The following NUP155 variants were observed in gnomAD, a reference collection of about 807,000 sequenced individuals.
NUP155 encodes the protein nucleoporin 155, also known as nuclear pore complex protein Nup155.
In NUP155, 71 loss-of-function variants were observed where a neutral mutation model predicts 180.4. The ratio of observed to expected loss-of-function variants is 0.39; its 90% CI spans 0.33 to 0.48. The LOEUF (loss-of-function observed/expected upper bound fraction) is 0.48, where lower values mean the gene tolerates loss of function less well. Ranked by LOEUF, NUP155 falls within the 20% of genes least tolerant of loss-of-function variation. The pLI, the probability that NUP155 is intolerant of heterozygous loss-of-function variation, is 0.91. For missense variants in NUP155, 1,553 were observed against 1,648.9 expected (o/e 0.94, Z 1.01); for synonymous variants, 582 against 559.5 (o/e 1.04, Z -0.57).
At chr5:37,309,300 T>C (rs749836101) in intron 23 of NUP155, 33 bp from the exon 24 acceptor site, 13 of 1,585,354 alleles carry the variant, frequency 8.2e-6, no homozygotes, top group Admixed American at 3.4e-5. Flanking sequence ...CTTAAAAATA[T>C]ATAAAATCAA....
chr5:37,305,099 T>G lies in NUP155; in HGVS notation c.3015A>C (p.Ser1005=). 2 of 1,613,934 alleles carry G rather than the reference T, an allele frequency of 1.2e-6. No homozygotes were observed. The highest frequency in any genetic ancestry group is 1.7e-6 in the Non-Finnish European group (2 of 1,180,026). Residue 1005 remains serine (S), a synonymous_variant, in exon 26 of 35, where the codon TCA becomes TCC. Transcript: ENST00000231498. ...CATTACTCAGCATATTTGGATCAGATGACAACACTGGAGGACCAGGTTTTT... is the reference window on the plus strand; with the variant it reads ...CATTACTCAGCATATTTGGATCAGAGGACAACACTGGAGGACCAGGTTTTT... ...VPKKPGPPVL[S]SDPNMLSNEE... is the part of the protein sequence containing the mutation.
chr5:37,306,250 A>T (rs1417188434), intron 25 of NUP155, among the ~76,000 whole-genome samples: 1 of 151,824 alleles, frequency 6.6e-6, no homozygotes, highest in Non-Finnish European at 1.5e-5. Flanking sequence ...GAAAAAAAAA[A>T]TTAGCCGAGT....
Position 37,363,927 on chromosome 5 carries a change from G to A in NUP155, c.353C>T (p.Thr118Ile). 1 of 1,613,814 alleles carries A rather than the reference G, an allele frequency of 6.2e-7. No individual in the cohort carries two copies. Among genetic ancestry groups the A allele is most frequent in the Non-Finnish European group, 8.5e-7 (1 of 1,179,750 alleles). The change falls in exon 3 of 35, where the codon ACA (threonine) becomes ATA (isoleucine). Residue 118 changes from threonine to isoleucine, a missense_variant. Transcript: ENST00000231498. ...VFPPISRAWLTIDSDIFMWNY... is the reference protein window; with the variant it reads ...VFPPISRAWLIIDSDIFMWNY... ...CCACATGAATATATCACTGTCAATT[G>A]TGAGCCAAGCTCTGCTGATAGGAGG...
intron 24 of NUP155, among the ~76,000 whole-genome samples, chr5:37,307,955 ATAT>A (rs1743270740): frequency 2.0e-4 from 5 of 24,730 alleles, no homozygotes; most frequent in African/African-American, 2.6e-4. Context: ...AAAAAAAAAT[ATAT>A]ATATATATAT....
intron 3 of NUP155, among the ~76,000 whole-genome samples, chr5:37,359,065 T>C (rs1747034657): frequency 6.6e-6 from 1 of 151,318 alleles, no homozygotes; most frequent in African/African-American, 2.4e-5. Context: ...TCTCAGCACT[T>C]TGGGAGGGTG....
intron 4 of NUP155, 113 bp from the exon 5 acceptor site, chr5:37,352,942 G>T: frequency 1.4e-6 from 1 of 708,272 alleles, no homozygotes; most frequent in Non-Finnish European, 2.5e-6. Flanking sequence ...GAAAAGTCTG[G>T]ATGCAGTTTA....
Position 37,291,727 on chromosome 5 carries a change from C to G in NUP155, c.*173G>C, listed in dbSNP as rs1742241053. ...CCCAATTACTAAAAAACAAAATAGT[C>G]ATAAAAAAGAATTCATTTAGCAAAG... On this transcript the variant is annotated 3_prime_UTR_variant, in exon 35 of 35. Coordinates refer to ENST00000231498, the MANE Select transcript of NUP155 (RefSeq NM_153485.3). 3 of 521,054 alleles carry G rather than the reference C, an allele frequency of 5.8e-6. No homozygotes were observed. Among genetic ancestry groups the G allele is most frequent in the Non-Finnish European group, 1.0e-5 (3 of 297,844 alleles). The allele number at this position is 521,054 out of a possible 1,614,324, so 32.3% of individuals were successfully genotyped here.
chr5:37,364,188 A>AT, intron 2 of NUP155, 59 bp downstream of exon 2: 2 of 1,365,788 alleles, frequency 1.5e-6, no homozygotes, highest in South Asian at 2.4e-5. Context: ...AACAAGAATT[A>AT]TAAGAATGAA....
chr5:37,317,821 G>A (rs553936661), intron 21 of NUP155, among the ~76,000 whole-genome samples, 167 bp downstream of exon 21: 1 of 151,370 alleles, frequency 6.6e-6, no homozygotes. Context: ...CCAAAGTGCT[G>A]GTATTACAGG....
chr5:37,304,844 C>T lies in NUP155; in HGVS notation c.3058-1G>A, dbSNP rs1259878926. 1.2e-6 allele frequency: 2 copies of T among 1,612,426 alleles called. No individual in the cohort carries two copies. The highest frequency in any genetic ancestry group is 1.7e-6 in the Non-Finnish European group (2 of 1,178,600). ...GTGACAATTTAAGCATTTGTTCAAA[C>T]TAAAATAAAGAAAATAGTAAAAATT... On this transcript the variant is annotated splice_acceptor_variant, in intron 26 of 34. Transcript: ENST00000231498. LOFTEE classifies it high-confidence loss of function.
At chr5:37,331,095 G>C (rs901544930) in intron 14 of NUP155, among the ~76,000 whole-genome samples, 2 of 151,508 alleles carry the variant, frequency 1.3e-5, no homozygotes, top group South Asian at 4.2e-4. Flanking sequence ...CTTAGAGTGA[G>C]CCGAGATCAC....
In NUP155 at chr5:37,323,072, G is replaced by T. The variant is rs1434577860; in HGVS notation, c.2207+920C>A. ...CTGAGGCCAGTGGATGATGAGGTCA[G>T]GAGTTCAAGACCAGCCTGGTCAACA... On this transcript the variant is annotated intron_variant, in intron 20 of 34. Transcript: ENST00000231498. Among the ~76,000 whole-genome samples, 2 of 152,108 alleles carry T rather than the reference G, an allele frequency of 1.3e-5. 1 individual carries two copies. Among genetic ancestry groups the T allele is most frequent in the Middle Eastern group, 6.8e-3 (2 of 294 alleles).
intron 1 of NUP155, 22 bp from the exon 2 acceptor site, chr5:37,364,406 T>C: frequency 6.2e-7 from 1 of 1,607,164 alleles, no homozygotes; most frequent in South Asian, 1.1e-5. Context: ...AAATGAAGTA[T>C]TTATAATAAT....
chr5:37,343,867 G>T (rs1745904120), intron 9 of NUP155, among the ~76,000 whole-genome samples: 1 of 151,936 alleles, frequency 6.6e-6, no homozygotes, highest in Admixed American at 6.6e-5. Context: ...GTCCAGCCTG[G>T]GCAACAGACT....
At chr5:37,345,272 G>C (rs914959697) in intron 9 of NUP155, among the ~76,000 whole-genome samples, 3 of 151,634 alleles carry the variant, frequency 2.0e-5, no homozygotes, top group Non-Finnish European at 4.4e-5. Flanking sequence ...TTGAGAGGCT[G>C]AGACATGCGG....
intron 19 of NUP155, among the ~76,000 whole-genome samples, chr5:37,324,721 C>T (rs10051872): frequency 0.055 from 8,296 of 152,130 alleles, 718 homozygotes; most frequent in African/African-American, 0.18. Flanking sequence ...TAATTTTAAT[C>T]TTATTTTATT....
chr5:37,341,390 C>G, intron 10 of NUP155, 148 bp from the exon 11 acceptor site: 1 of 732,076 alleles, frequency 1.4e-6, no homozygotes, highest in South Asian at 1.6e-5. Flanking sequence ...GAGATGGAGT[C>G]TAGCTCTGTC....
intron 4 of NUP155, among the ~76,000 whole-genome samples, chr5:37,354,416 A>T (rs1746673957): frequency 6.8e-6 from 1 of 147,588 alleles, no homozygotes; most frequent in Non-Finnish European, 1.5e-5. Flanking sequence ...AAGTGCTGGG[A>T]TTACAGGCGT....
At position 37,289,107 on chromosome 5, in the gene NUP155, T is replaced by G. The variant is rs1465433870; in HGVS notation, c.*2793A>C. 6.2e-6 allele frequency: 1 copy of G among 160,288 alleles called. No individual in the cohort carries two copies. The highest frequency in any genetic ancestry group is 1.3e-5 in the Non-Finnish European group (1 of 74,856). The allele number at this position is 160,288 out of a possible 1,614,324, so 9.9% of individuals were successfully genotyped here. On this transcript the variant is annotated 3_prime_UTR_variant, in exon 35 of 35. Coordinates refer to ENST00000231498, the MANE Select transcript of NUP155 (RefSeq NM_153485.3). ...CTGTGGTGAGCCAAGATTGTGCCAT[T>G]GCACTCCAGCCTGGGCAACAAGAGC...
Sources: allele counts gnomAD v4.1 joint callset (sites outside exome capture counted in the v4.1 genomes callset), GRCh38; gene constraint gnomAD v4.1.1; transcripts MANE v1.5; gene names NCBI Gene and HGNC (gene_info 2026-07-23, HGNC 2026-07-21).